The following FN1 variants were observed in gnomAD, a reference collection of about 807,000 sequenced individuals.
FN1 encodes the protein fibronectin 1.
A neutral mutation model predicts 297.3 loss-of-function variants in FN1; 106 were observed. The observed-to-expected ratio is 0.36, with a 90% CI of 0.30 to 0.42. FN1 has a LOEUF of 0.42. FN1 is among the 10% of genes least tolerant of loss of function. FN1 has a pLI of 1.00. For missense variants in FN1, 2,690 were observed against 3,124.9 expected (o/e 0.86, Z 3.32); for synonymous variants, 1,149 against 1,152.6 (o/e 1.00, Z 0.06).
chr2:215,421,364 G>T (rs918855751), intron 10 of FN1: 2 of 190,926 alleles, frequency 1.0e-5, no homozygotes, highest in African/African-American at 4.8e-5. Context: ...TTTCCTTTTT[G>T]GGTCTCAGCT....
At chr2:215,429,845 C>T (rs944434306) in intron 5 of FN1, among the ~76,000 whole-genome samples, 2 of 152,198 alleles carry the variant, frequency 1.3e-5, no homozygotes, top group Non-Finnish European at 2.9e-5. Flanking sequence ...TCCCAACTTG[C>T]TATTTAAAGA....
At chr2:215,384,829 CAG>C in intron 29 of FN1, 29 bp downstream of exon 29, 1 of 1,362,012 alleles carries the variant, frequency 7.3e-7, no homozygotes, top group South Asian at 1.2e-5. Context: ...CTGATTTAAT[CAG>C]AGTGTAAAAT....
Position 215,376,396 on chromosome 2 carries a change from T to C in FN1, c.5887+102A>G, listed in dbSNP as rs536836561. On this transcript the variant is annotated intron_variant, in intron 36 of 45. Transcript: ENST00000354785. ...TAAAACTGGGTTATGATGATAACAC[T>C]GAAAATAAATTTTATCAGTGTCAGT... The C allele has an allele frequency of 4.8e-5, 53 of 1,101,656 alleles. No individual in the cohort carries two copies. The Admixed American group carries it at 7.7e-4, about 16-fold the overall frequency. 68.2% of individuals were successfully genotyped at this position (1,101,656 alleles called of 1,614,324 possible).
chr2:215,362,268 A>G (rs2106096632), intron 44 of FN1, 189 bp from the exon 45 acceptor site: 1 of 615,286 alleles, frequency 1.6e-6, no homozygotes, highest in Non-Finnish European at 2.9e-6. Flanking sequence ...TTATTACCAT[A>G]TCTTATACCT....
At chr2:215,420,454 A>C (rs1420110261) in intron 11 of FN1, among the ~76,000 whole-genome samples, 1 of 152,276 alleles carries the variant, frequency 6.6e-6, no homozygotes, top group East Asian at 1.9e-4. Flanking sequence ...AATTAAAATA[A>C]GCCTAAATTT....
At chr2:215,377,547 G>A (rs184055547) in intron 35 of FN1, among the ~76,000 whole-genome samples, 50 of 152,238 alleles carry the variant, frequency 3.3e-4, no homozygotes, top group Admixed American at 1.4e-3. Context: ...TCCACCATGA[G>A]TAAGCTTCCC....
intron 38 of FN1, 125 bp downstream of exon 38, chr2:215,375,089 G>T: frequency 1.0e-6 from 1 of 983,990 alleles, no homozygotes; most frequent in Non-Finnish European, 1.6e-6. Flanking sequence ...AATGCTTTTT[G>T]AGGTTATCAG....
chr2:215,386,710 A>G lies in FN1; in HGVS notation c.4591T>C (p.Leu1531=). The part of the protein sequence containing the change: ...ALNGREESPL[L]IGQQSTVSDV... The stretch of plus-strand genomic sequence containing the variant: ...TTACCTGTTGATTGTTGGCCAATCA[A>G]TAAGGGACTTTCCTCTCTGCCATTA... Residue 1531 remains leucine (L), a synonymous_variant, in exon 28 of 46, where the codon TTG becomes CTG. Coordinates refer to ENST00000354785, the MANE Select transcript of FN1 (RefSeq NM_212482.4). 1.9e-6 allele frequency: 3 copies of G among 1,613,654 alleles called. No homozygotes were observed. The highest frequency in any genetic ancestry group is 1.7e-4 in the Middle Eastern group (1 of 6,060).
chr2:215,375,410 T>C lies in FN1; in HGVS notation c.5978-17A>G. ...CATCAATGGCTGAAAGAAAACAAAATTAAGTCTCTAAGAAGGCAAATAACC... is the reference window on the plus strand; with the variant it reads ...CATCAATGGCTGAAAGAAAACAAAACTAAGTCTCTAAGAAGGCAAATAACC... On this transcript the variant is annotated splice_polypyrimidine_tract_variant and intron_variant, in intron 37 of 45. Transcript: ENST00000354785. 1 of 1,600,612 alleles carries C rather than the reference T, an allele frequency of 6.2e-7. No homozygotes were observed. Among genetic ancestry groups the C allele is most frequent in the Non-Finnish European group, 8.5e-7 (1 of 1,170,324 alleles).
intron 42 of FN1, among the ~76,000 whole-genome samples, chr2:215,365,966 A>ATTTT (rs559516647): frequency 1.5e-4 from 14 of 90,336 alleles, no homozygotes; most frequent in African/African-American, 2.8e-4. Context: ...CCACAGTGCT[A>ATTTT]TTTTTTTTTT....
chr2:215,419,946 T>C (rs1212631269), intron 11 of FN1, among the ~76,000 whole-genome samples: 2 of 152,224 alleles, frequency 1.3e-5, no homozygotes, highest in African/African-American at 4.8e-5. Flanking sequence ...AACCTGTCTC[T>C]TTTGGTAAAG....
intron 2 of FN1, 26 bp downstream of exon 2, chr2:215,434,670 T>C: frequency 6.2e-7 from 1 of 1,613,998 alleles, no homozygotes; most frequent in Non-Finnish European, 8.5e-7. Context: ...TAAAAGATAC[T>C]AACTATGGGG....
chr2:215,421,238 G>A, intron 10 of FN1: 2 of 235,576 alleles, frequency 8.5e-6, no homozygotes, highest in Non-Finnish European at 1.7e-5. Flanking sequence ...TGGAATAGGG[G>A]GAAGGGGAGG....
At chr2:215,370,692 C>T (rs926740561) in intron 40 of FN1, among the ~76,000 whole-genome samples, 1 of 152,000 alleles carries the variant, frequency 6.6e-6, no homozygotes, top group African/African-American at 2.4e-5. Context: ...CAGGAGCCCT[C>T]GACAATACTA....
chr2:215,419,724 A>G (rs1244396288), intron 11 of FN1, among the ~76,000 whole-genome samples: 1 of 152,246 alleles, frequency 6.6e-6, no homozygotes, highest in Non-Finnish European at 1.5e-5. Flanking sequence ...TAACTGGCTT[A>G]ACATTTAAAT....
At chr2:215,435,593 T>C (rs2067333060) in intron 1 of FN1, 62 bp downstream of exon 1, 2 of 1,607,200 alleles carry the variant, frequency 1.2e-6, no homozygotes, top group Non-Finnish European at 1.7e-6. Context: ...CAGCCCCAAC[T>C]TTGGTCGGCT....
At position 215,433,336 on chromosome 2, in the gene FN1, A is replaced by G. The variant is rs554742541; in HGVS notation, c.403T>C (p.Cys135Arg). 6.2e-7 allele frequency: 1 copy of G among 1,614,200 alleles called. No individual in the cohort carries two copies. Among genetic ancestry groups the G allele is most frequent in the Admixed American group, 1.7e-5 (1 of 60,024 alleles). ...CIGAGRGRIS[C>R]TIANRCHEGG... ...ATCTCTTCCTTACTTGCGATGGTACAGCTTATTCTCCCTCGCCCAGCCCCG... is the reference window on the plus strand; with the variant it reads ...ATCTCTTCCTTACTTGCGATGGTACGGCTTATTCTCCCTCGCCCAGCCCCG... The change falls in exon 3 of 46, where the codon TGT (cysteine) becomes CGT (arginine). Residue 135 changes from cysteine (C) to arginine (R), a missense_variant. Cys to Arg is a radical substitution (Grantham distance 180). Coordinates refer to ENST00000354785, the MANE Select transcript of FN1 (RefSeq NM_212482.4).
intron 38 of FN1, 131 bp downstream of exon 38, chr2:215,375,083 C>T (rs1164215150): frequency 8.4e-6 from 8 of 950,860 alleles, no homozygotes; most frequent in Non-Finnish European, 1.3e-5. Context: ...ACAGAGAATG[C>T]TTTTTGAGGT....
intron 26 of FN1, 103 bp from the exon 27 acceptor site, chr2:215,388,404 T>C (rs1384589260): frequency 6.1e-6 from 5 of 824,726 alleles, no homozygotes; most frequent in African/African-American, 5.0e-5. Context: ...AAATGTCCAG[T>C]CCTATAGCCT....
Sources: allele counts gnomAD v4.1 joint callset (sites outside exome capture counted in the v4.1 genomes callset), GRCh38; gene constraint gnomAD v4.1.1; transcripts MANE v1.5; gene names NCBI Gene and HGNC (gene_info 2026-07-23, HGNC 2026-07-21).